The following PRKD1 variants were observed in gnomAD, a reference collection of about 807,000 sequenced individuals.
PRKD1 encodes the protein protein kinase D1.
PRKD1 carries 63 observed loss-of-function variants against 95.9 expected under a neutral mutation model. That is an observed-to-expected ratio of 0.66 (90% CI 0.54 to 0.81). The LOEUF is 0.81. Ranked by LOEUF, PRKD1 falls within the 30% of genes least tolerant of loss-of-function variation. PRKD1 has a pLI of 0.00. For synonymous variants in PRKD1, 425 were observed against 423.1 expected, an observed-to-expected ratio of 1.00 and a Z score of -0.05; for missense variants, 1,048 against 1,165.3, an observed-to-expected ratio of 0.90 and a Z score of 1.47.
intron 16 of PRKD1, among the ~76,000 whole-genome samples, chr14:29,596,948 G>T (rs187944406): frequency 6.6e-6 from 1 of 152,124 alleles, no homozygotes; most frequent in East Asian, 1.9e-4. Context: ...AATCATCAGA[G>T]ATATATATAG....
chr14:29,621,572 A>G (rs1016687240), intron 13 of PRKD1, among the ~76,000 whole-genome samples: 19 of 152,114 alleles, frequency 1.2e-4, no homozygotes, highest in African/African-American at 4.6e-4. Flanking sequence ...TTATCTGTAT[A>G]TGATTAAACC....
chr14:29,674,889 T>G (rs1419778437), intron 2 of PRKD1, among the ~76,000 whole-genome samples: 3 of 152,230 alleles, frequency 2.0e-5, no homozygotes, highest in Non-Finnish European at 4.4e-5. Flanking sequence ...CGAGGTTCTA[T>G]GTGCTTTACT....
chr14:29,590,410 G>A (rs965915833), intron 16 of PRKD1, among the ~76,000 whole-genome samples: 2 of 152,048 alleles, frequency 1.3e-5, no homozygotes, highest in Admixed American at 6.6e-5. Flanking sequence ...AAGCTTTGAT[G>A]GTCAAATTGT....
At chr14:29,661,946 T>G (rs950105749) in intron 4 of PRKD1, among the ~76,000 whole-genome samples, 3 of 152,222 alleles carry the variant, frequency 2.0e-5, no homozygotes, top group Admixed American at 2.0e-4. Flanking sequence ...AAATTTTAAT[T>G]CACCATTTAA....
intron 8 of PRKD1, 67 bp downstream of exon 8, chr14:29,634,351 G>C (rs956402320): frequency 1.4e-5 from 23 of 1,608,514 alleles, no homozygotes; most frequent in Non-Finnish European, 1.8e-5. Context: ...CAGTCCTCAC[G>C]GGACATTAGC....
chr14:29,712,667 AT>A (rs1231695751), intron 2 of PRKD1, among the ~76,000 whole-genome samples: 1 of 152,064 alleles, frequency 6.6e-6, no homozygotes, highest in Non-Finnish European at 1.5e-5. Context: ...TTCCAAATAC[AT>A]TTTTCTATTT....
At chr14:29,767,092 C>T (rs1018750785) in intron 1 of PRKD1, among the ~76,000 whole-genome samples, 3 of 152,034 alleles carry the variant, frequency 2.0e-5, no homozygotes, top group African/African-American at 7.2e-5. Flanking sequence ...AGGCCCCAAC[C>T]CTCACCTCCA....
intron 1 of PRKD1, among the ~76,000 whole-genome samples, chr14:29,762,190 T>C (rs1888025374): frequency 6.6e-6 from 1 of 152,178 alleles, no homozygotes; most frequent in South Asian, 2.1e-4. Context: ...ACTAGTTTTA[T>C]AGTATAATCA....
chr14:29,599,675 G>A lies in PRKD1; in HGVS notation c.2048C>T (p.Thr683Met), dbSNP rs1042493523. Residue 683 changes from threonine to methionine, a missense_variant, in exon 14 of 18, where the codon ACG becomes ATG. Physicochemically the swap from Thr to Met is moderately conservative, Grantham distance 81 (BLOSUM62 -1). Around this residue, in one of 3 missense-constraint regions of PRKD1, gnomAD observed 739 missense variants for 861.9 expected, o/e 0.86. Transcript: ENST00000331968. ...TCTTACCTGAGTAATTAAAAACTTCGTTATGTGCTCTGGCAACCTGCCCTT... is the reference window on the plus strand; with the variant it reads ...TCTTACCTGAGTAATTAAAAACTTCATTATGTGCTCTGGCAACCTGCCCTT... ...SEKGRLPEHI[T>M]KFLITQILVA... 3.7e-6 allele frequency: 6 copies of A among 1,611,372 alleles called. No individual in the cohort carries two copies. The highest frequency in any genetic ancestry group is 2.2e-5 in the South Asian group (2 of 90,532).
Position 29,927,553 on chromosome 14 carries a change from C to A in PRKD1, c.-41G>T. On this transcript the variant is annotated 5_prime_UTR_variant, in exon 1 of 18. Transcript: ENST00000331968. ...AGGGCCGGGCAGCGGAGGGCGGGGG[C>A]TGGCGGCGCGGCAGCAGGAAAGTTT... 8.8e-7 allele frequency: 1 copy of A among 1,130,270 alleles called. No individual in the cohort carries two copies. Among genetic ancestry groups the A allele is most frequent in the Non-Finnish European group, 1.1e-6 (1 of 923,528 alleles). 70.0% of individuals were successfully genotyped at this position (1,130,270 alleles called of 1,614,324 possible). A position where few individuals can be genotyped will look rare whatever the true frequency, so the allele number is the denominator to read the frequency against.
chr14:29,613,093 G>A lies in PRKD1; in HGVS notation c.1905+11059C>T, dbSNP rs991935120. ...AGCCTGGGTGACAGAGCGAGACTCT[G>A]TCTCAAAAAAAAAATTCTTCATGTA... On this transcript the variant is annotated intron_variant, in intron 13 of 17. Transcript: ENST00000331968. Among the ~76,000 whole-genome samples, 14 of 110,806 alleles carry A rather than the reference G, an allele frequency of 1.3e-4. No individual in the cohort carries two copies. The South Asian group carries it at 2.4e-3, about 19-fold the overall frequency. The allele number at this position is 110,806 out of a possible 152,430, so 72.7% of individuals were successfully genotyped here.
chr14:29,619,315 A>T (rs943915613), intron 13 of PRKD1, among the ~76,000 whole-genome samples: 2 of 152,138 alleles, frequency 1.3e-5, no homozygotes, highest in African/African-American at 4.8e-5. Flanking sequence ...TTGCAGAGCA[A>T]ACACACATAA....
At chr14:29,654,191 A>G (rs1013826860) in intron 4 of PRKD1, among the ~76,000 whole-genome samples, 2 of 151,826 alleles carry the variant, frequency 1.3e-5, no homozygotes, top group Middle Eastern at 3.2e-3. Flanking sequence ...TTATTTTTTG[A>G]GACAGAGTCT....
intron 2 of PRKD1, among the ~76,000 whole-genome samples, chr14:29,705,090 C>T (rs971366362): frequency 1.3e-5 from 2 of 152,076 alleles, no homozygotes; most frequent in Admixed American, 6.6e-5. Context: ...GGTACTATAG[C>T]CAAATCCTTT....
intron 4 of PRKD1, among the ~76,000 whole-genome samples, chr14:29,661,771 G>A (rs965084706): frequency 6.6e-6 from 1 of 152,122 alleles, no homozygotes; most frequent in Non-Finnish European, 1.5e-5. Flanking sequence ...ACAAGGTTAC[G>A]AAAGCTTATG....
At chr14:29,834,932 A>G (rs951335924) in intron 1 of PRKD1, among the ~76,000 whole-genome samples, 6 of 152,196 alleles carry the variant, frequency 3.9e-5, no homozygotes, top group Non-Finnish European at 8.8e-5. Context: ...TTTAAATGCC[A>G]TGATTACCTC....
At chr14:29,870,890 C>T (rs1230181737) in intron 1 of PRKD1, among the ~76,000 whole-genome samples, 1 of 152,162 alleles carries the variant, frequency 6.6e-6, no homozygotes, top group Admixed American at 6.5e-5. Context: ...TCATCACAGA[C>T]TTCTACACTG....
At chr14:29,709,937 G>C (rs1208201642) in intron 2 of PRKD1, among the ~76,000 whole-genome samples, 1 of 152,112 alleles carries the variant, frequency 6.6e-6, no homozygotes, top group African/African-American at 2.4e-5. Flanking sequence ...CAGTCAAGTT[G>C]ACACAAAATT....
At chr14:29,708,856 C>T (rs1885208916) in intron 2 of PRKD1, among the ~76,000 whole-genome samples, 2 of 152,078 alleles carry the variant, frequency 1.3e-5, no homozygotes, top group South Asian at 4.1e-4. Flanking sequence ...GAGCAAGTCC[C>T]TGTCTCAAAA....
Sources: gnomAD v4.1 joint callset for allele counts (sites outside exome capture counted in the v4.1 genomes callset) on GRCh38, gnomAD v4.1.1 for gene constraint, gnomAD v4.1.1 regional missense constraint, MANE v1.5 for transcripts, NCBI Gene and HGNC (gene_info 2026-07-23, HGNC 2026-07-21) for gene names.